The following ITGA11 variants were observed in gnomAD, a reference collection of about 807,000 sequenced individuals.
ITGA11 encodes integrin alpha-11.
In ITGA11, 97 loss-of-function variants were observed where a neutral mutation model predicts 141.9. The ratio of observed to expected loss-of-function variants is 0.68; its 90% CI spans 0.58 to 0.81. ITGA11 has a LOEUF of 0.81. ITGA11 is among the 30% of genes least tolerant of loss of function. The pLI, the probability that ITGA11 is intolerant of heterozygous loss-of-function variation, is 0.00. For missense variants in ITGA11, 1,387 were observed against 1,559.2 expected (o/e 0.89, Z 1.86); for synonymous variants, 658 against 624.6 (o/e 1.05, Z -0.80).
At position 68,302,854 on chromosome 15, in the gene ITGA11, C is replaced by T. The variant is rs1893075811; in HGVS notation, c.*205G>A. ...CCTAGGGGTCTGTGTTAAAGGTGTC[C>T]CAGTCTCCCAGTAGGGCAGTTCCAC... On this transcript the variant is annotated 3_prime_UTR_variant, in exon 30 of 30. Transcript: ENST00000315757. 2 of 573,072 alleles carry T rather than the reference C, an allele frequency of 3.5e-6. No individual in the cohort carries two copies. The highest frequency in any genetic ancestry group is 6.2e-6 in the Non-Finnish European group (2 of 324,144). The allele number at this position is 573,072 out of a possible 1,614,324, so 35.5% of individuals were successfully genotyped here.
At position 68,319,901 on chromosome 15, in the gene ITGA11, G is replaced by A. The variant is rs114932303; in HGVS notation, c.2616+284C>T. 3.2e-3 allele frequency among the ~76,000 whole-genome samples: 490 copies of A among 152,270 alleles called. 2 individuals carry two copies. The highest frequency in any genetic ancestry group is 0.011 in the African/African-American group (455 of 41,560). On this transcript the variant is annotated intron_variant, in intron 20 of 29. Coordinates refer to ENST00000315757, the MANE Select transcript of ITGA11 (RefSeq NM_001004439.2). ...AAATCAGTTAGGATCTCCAGAGGAG[G>A]AGTCTGGGGGCAGGCTTTTTAAAGC...
intron 2 of ITGA11, among the ~76,000 whole-genome samples, chr15:68,380,217 A>G (rs1595884901): frequency 6.6e-6 from 1 of 152,266 alleles, no homozygotes; most frequent in East Asian, 1.9e-4. Flanking sequence ...GTAACGCAGA[A>G]AAAGGAGATG....
intron 10 of ITGA11, among the ~76,000 whole-genome samples, chr15:68,344,775 C>T (rs1894692183): frequency 6.6e-6 from 1 of 152,108 alleles, no homozygotes; most frequent in Non-Finnish European, 1.5e-5. Flanking sequence ...GGTAAGTGAC[C>T]TCACCTTTAG....
intron 14 of ITGA11, among the ~76,000 whole-genome samples, chr15:68,331,571 C>CG (rs1016109333): frequency 1.3e-5 from 2 of 150,354 alleles, no homozygotes; most frequent in African/African-American, 2.5e-5. Context: ...GTGCGCGTCT[C>CG]GGGGGGAGTG....
rs771974487 is a variant in ITGA11, at chr15:68,332,492, T to G, written c.1426-14A>C. The G allele has an allele frequency of 6.2e-7, 1 of 1,611,178 alleles. No individual in the cohort carries two copies. Among genetic ancestry groups the G allele is most frequent in the African/African-American group, 1.3e-5 (1 of 75,034 alleles). The stretch of plus-strand genomic sequence containing the variant: ...GTAAGAGCCTATCTGCGGCACGTGA[T>G]GGGAGAGAGGAGTGGGCTGGCTGCC... On this transcript the variant is annotated splice_polypyrimidine_tract_variant and intron_variant, in intron 12 of 29. Transcript: ENST00000315757.
Position 68,320,258 on chromosome 15 carries a change from C to G in ITGA11, c.2543G>C (p.Gly848Ala). 1 of 1,614,068 alleles carries G rather than the reference C, an allele frequency of 6.2e-7. No individual in the cohort carries two copies. ...VAVEATLENRGENAYSTVLNI... is the reference protein window; with the variant it reads ...VAVEATLENRAENAYSTVLNI... ...TAGGACCGTGCTGTAGGCGTTCTCG[C>G]CCCTGTTCTCCAGTGTGGCCTCCAC... The change falls in exon 20 of 30, where the codon GGC becomes GCC. Residue 848 changes from glycine (G) to alanine (A), a missense_variant. Coordinates refer to ENST00000315757, the MANE Select transcript of ITGA11 (RefSeq NM_001004439.2).
chr15:68,349,250 A>G (rs1359469778), intron 9 of ITGA11, among the ~76,000 whole-genome samples: 1 of 152,240 alleles, frequency 6.6e-6, no homozygotes, highest in Non-Finnish European at 1.5e-5. Context: ...GAAATAGTGT[A>G]CGTTTTTGGC....
At chr15:68,344,827 C>T (rs1195147396) in intron 10 of ITGA11, among the ~76,000 whole-genome samples, 5 of 151,262 alleles carry the variant, frequency 3.3e-5, no homozygotes, top group Admixed American at 6.6e-5. Flanking sequence ...GGGTGAGTCA[C>T]CAAGGTTTCT....
intron 20 of ITGA11, among the ~76,000 whole-genome samples, chr15:68,318,116 G>T (rs530505246): frequency 7.9e-5 from 12 of 152,164 alleles, no homozygotes; most frequent in African/African-American, 2.9e-4. Context: ...GGAGAGGAAT[G>T]CTGACCTCAC....
At chr15:68,317,230 C>A in intron 21 of ITGA11, 35 bp downstream of exon 21, 3 of 1,449,556 alleles carry the variant, frequency 2.1e-6, no homozygotes, top group Non-Finnish European at 2.9e-6. Context: ...CCAGTGCCCA[C>A]CCTGACCCTC....
rs898492492 is a variant in ITGA11, at chr15:68,301,326, G to A, written c.*1733C>T. On this transcript the variant is annotated 3_prime_UTR_variant, in exon 30 of 30. Coordinates refer to ENST00000315757, the MANE Select transcript of ITGA11 (RefSeq NM_001004439.2). The surrounding 1 kb of genome is among the most constrained non-coding windows in gnomAD (Gnocchi z 4.4). ...ATGAATGGCACAAGAACAGAATGGA[G>A]ACGCCTTGGCTGATGTCAGAGTGTA... 2.6e-5 allele frequency: 4 copies of A among 152,262 alleles called. No individual in the cohort carries two copies. The highest frequency in any genetic ancestry group is 9.6e-5 in the African/African-American group (4 of 41,470). The allele number at this position is 152,262 out of a possible 1,614,324, so 9.4% of individuals were successfully genotyped here. A position where few individuals can be genotyped will look rare whatever the true frequency, so the allele number is the denominator to read the frequency against.
intron 2 of ITGA11, among the ~76,000 whole-genome samples, chr15:68,384,967 T>C (rs1895948010): frequency 6.6e-6 from 1 of 152,236 alleles, no homozygotes; most frequent in South Asian, 2.1e-4. Flanking sequence ...AGAGGCCCTT[T>C]CCTCAAAACC....
intron 2 of ITGA11, among the ~76,000 whole-genome samples, chr15:68,386,859 A>G (rs2140384858): frequency 6.6e-6 from 1 of 152,226 alleles, no homozygotes; most frequent in South Asian, 2.1e-4. Flanking sequence ...TCGTGGGTAC[A>G]AGACAGGCTG....
chr15:68,328,122 G>T lies in ITGA11; in HGVS notation c.2042C>A (p.Ala681Glu). The change falls in exon 16 of 30, where the codon GCA becomes GAA. Residue 681 changes from alanine (A) to glutamate (E), a missense_variant. Transcript: ENST00000315757. The surrounding 1 kb of genome is among the most constrained non-coding windows in gnomAD (Gnocchi z 4.8). The stretch of plus-strand genomic sequence containing the variant: ...AACAGTTGTTGTTTGGAAATGGGGT[G>T]CCAGGAAGATGGGCGTGAAGCAGAG... ...AFLCFTPIFL[A>E]PHFQTTTVGI... is the part of the protein sequence containing the mutation. 6.2e-7 allele frequency: 1 copy of T among 1,613,778 alleles called. No individual in the cohort carries two copies.
At position 68,308,784 on chromosome 15, in the gene ITGA11, AG is replaced by A. The variant is rs1368019610; in HGVS notation, c.3175-1089del. Reference sequence around the variant, plus strand: ...AAGAAAGAAAAGAAAAGAAAAGAAAAGGGATTAGAGGACACTGAAGATGGAG... The same window carrying A: ...AAGAAAGAAAAGAAAAGAAAAGAAAAGGATTAGAGGACACTGAAGATGGAG... On this transcript the variant is annotated intron_variant, in intron 26 of 29. Coordinates refer to ENST00000315757, the MANE Select transcript of ITGA11 (RefSeq NM_001004439.2). The surrounding 1 kb of genome is among the most constrained non-coding windows in gnomAD (Gnocchi z 5.2). Among the ~76,000 whole-genome samples the A allele has an allele frequency of 6.6e-6, 1 of 151,936 alleles. No individual in the cohort carries two copies. Among genetic ancestry groups the A allele is most frequent in the African/African-American group, 2.4e-5 (1 of 41,376 alleles).
At chr15:68,421,200 G>GCAAGGCCTCAAT (rs1425371868) in intron 1 of ITGA11, among the ~76,000 whole-genome samples, 4 of 150,254 alleles carry the variant, frequency 2.7e-5, no homozygotes, top group East Asian at 2.0e-4. Context: ...CAGGTGGGAG[G>GCAAGGCCTCAAT]GGGAGGCTGG....
At position 68,376,785 on chromosome 15, in the gene ITGA11, G is replaced by C. The variant is rs1895739203; in HGVS notation, c.165-7501C>G. Among the ~76,000 whole-genome samples the C allele has an allele frequency of 2.0e-5, 3 of 152,344 alleles. No individual in the cohort carries two copies. In the South Asian group the frequency reaches 6.2e-4, roughly 32 times the overall value. On this transcript the variant is annotated intron_variant, in intron 2 of 29. Coordinates refer to ENST00000315757, the MANE Select transcript of ITGA11 (RefSeq NM_001004439.2). ...TATACCTGGTCTGCTCACCCTTCAG[G>C]GTTTTGAGGGGCAGTGGTTTCCACA...
chr15:68,364,571 G>A (rs1464612871), intron 4 of ITGA11, 136 bp downstream of exon 4: 1 of 731,208 alleles, frequency 1.4e-6, no homozygotes. Flanking sequence ...AATGCACAGG[G>A]CCAGGCAGCT....
chr15:68,338,834 A>G (rs569255942), intron 11 of ITGA11, among the ~76,000 whole-genome samples: 9 of 152,350 alleles, frequency 5.9e-5, no homozygotes, highest in African/African-American at 1.9e-4. Flanking sequence ...TGAAAGACCC[A>G]GAGACAGTGG....
Sources: gnomAD v4.1 joint callset for allele counts (sites outside exome capture counted in the v4.1 genomes callset) on GRCh38, gnomAD v4.1.1 for gene constraint, Gnocchi (gnomAD v3.1) non-coding constraint, MANE v1.5 for transcripts, NCBI Gene and HGNC (gene_info 2026-07-23, HGNC 2026-07-21) for gene names.